The following ANTXR1 variants were observed in gnomAD, a reference collection of about 807,000 sequenced individuals.
ANTXR1 encodes anthrax toxin receptor 1.
In ANTXR1, 19 loss-of-function variants were observed where a neutral mutation model predicts 78.1. The observed-to-expected ratio is 0.24, with a 90% CI of 0.17 to 0.36. The LOEUF is 0.36. Among genes scored for constraint, ANTXR1 ranks in the 10% least tolerant of loss-of-function variants. The pLI is 1.00. For synonymous variants in ANTXR1, 273 were observed against 260.5 expected, an observed-to-expected ratio of 1.05 and a Z score of -0.46; for missense variants, 518 against 718.6, an observed-to-expected ratio of 0.72 and a Z score of 3.19.
chr2:69,145,674 G>A, intron 12 of ANTXR1: 2 of 1,157,732 alleles, frequency 1.7e-6, no homozygotes, highest in East Asian at 4.4e-5. Flanking sequence ...TGAGGTGGAG[G>A]ATTTCACAGT....
intron 17 of ANTXR1, among the ~76,000 whole-genome samples, chr2:69,225,810 T>C (rs1415362720): frequency 1.3e-5 from 2 of 152,222 alleles, no homozygotes; most frequent in South Asian, 4.1e-4. Context: ...TGTTGGGTGC[T>C]ATTCCAGAGC....
chr2:69,244,457 G>A (rs566445134), intron 17 of ANTXR1, among the ~76,000 whole-genome samples: 1 of 152,350 alleles, frequency 6.6e-6, no homozygotes, highest in Non-Finnish European at 1.5e-5. Context: ...AGGACAAACT[G>A]TTTATTATTT....
intron 16 of ANTXR1, among the ~76,000 whole-genome samples, chr2:69,184,415 A>G (rs926235054): frequency 6.6e-6 from 1 of 152,176 alleles, no homozygotes; most frequent in African/African-American, 2.4e-5. Context: ...ATTATTTTCT[A>G]ATGAAGAACA....
chr2:69,039,097 T>C (rs1284138830), intron 1 of ANTXR1, among the ~76,000 whole-genome samples: 1 of 152,190 alleles, frequency 6.6e-6, no homozygotes, highest in African/African-American at 2.4e-5. Flanking sequence ...GAGCAAACTC[T>C]AACCTCAACA....
chr2:69,202,284 T>C (rs1674792099), intron 17 of ANTXR1, among the ~76,000 whole-genome samples: 1 of 151,978 alleles, frequency 6.6e-6, no homozygotes, highest in Admixed American at 6.6e-5. Flanking sequence ...CAAGGGAAAA[T>C]AATACATTAT....
chr2:69,090,823 G>A lies in ANTXR1; in HGVS notation c.643-36G>A, dbSNP rs754373790. The A allele has an allele frequency of 2.5e-6, 4 of 1,604,508 alleles. 1 individual carries two copies. The South Asian group carries it at 3.3e-5, about 13-fold the overall frequency. On this transcript the variant is annotated intron_variant, in intron 8 of 17. Transcript: ENST00000303714. ...CTGATTCTGTCTTTGAACAAAATAA[G>A]CTGTGCATTGACTCTTTTATTTCCG...
intron 17 of ANTXR1, among the ~76,000 whole-genome samples, chr2:69,219,007 C>G: frequency 6.6e-6 from 1 of 152,180 alleles, no homozygotes; most frequent in Non-Finnish European, 1.5e-5. Context: ...TAAATTCTGT[C>G]AATGGCTATG....
intron 12 of ANTXR1, among the ~76,000 whole-genome samples, chr2:69,147,340 C>G (rs549396554): frequency 1.3e-5 from 2 of 152,368 alleles, no homozygotes; most frequent in South Asian, 4.1e-4. Flanking sequence ...TATTGATATA[C>G]ATTCAACAGG....
At chr2:69,131,199 G>T (rs1258059129) in intron 12 of ANTXR1, among the ~76,000 whole-genome samples, 1 of 152,054 alleles carries the variant, frequency 6.6e-6, no homozygotes, top group Non-Finnish European at 1.5e-5. Context: ...ATAAAGATAG[G>T]AATTTGCCTA....
intron 8 of ANTXR1, among the ~76,000 whole-genome samples, chr2:69,085,553 C>T (rs1032446685): frequency 1.3e-5 from 2 of 152,064 alleles, no homozygotes; most frequent in Non-Finnish European, 2.9e-5. Flanking sequence ...TTTATTAAGA[C>T]GTGCAGGAAG....
At position 69,158,341 on chromosome 2, in the gene ANTXR1, T is replaced by C. The variant is rs141716745; in HGVS notation, c.1047+6077T>C. On this transcript the variant is annotated intron_variant, in intron 13 of 17. Coordinates refer to ENST00000303714, the MANE Select transcript of ANTXR1 (RefSeq NM_032208.3). Reference sequence around the variant, plus strand: ...AGTTTCACCTTCTTTATGTTCTCTATACAATTCTTCCTTCAAAGTCCAGCT... The same window carrying C: ...AGTTTCACCTTCTTTATGTTCTCTACACAATTCTTCCTTCAAAGTCCAGCT... 3.3e-5 allele frequency among the ~76,000 whole-genome samples: 5 copies of C among 152,364 alleles called. No homozygotes were observed. In the East Asian group the frequency reaches 7.7e-4, roughly 24 times the overall value.
intron 3 of ANTXR1, 150 bp from the exon 4 acceptor site, chr2:69,070,497 T>C: frequency 1.4e-6 from 1 of 727,424 alleles, no homozygotes; most frequent in Non-Finnish European, 2.5e-6. Context: ...GAACGGATAA[T>C]ATAAAGGCCT....
At chr2:69,176,723 T>C (rs780043593) in intron 14 of ANTXR1, among the ~76,000 whole-genome samples, 2 of 152,210 alleles carry the variant, frequency 1.3e-5, no homozygotes, top group African/African-American at 2.4e-5. Flanking sequence ...GTTGAGCTTA[T>C]GCATTTAAGA....
intron 8 of ANTXR1, among the ~76,000 whole-genome samples, 168 bp downstream of exon 8, chr2:69,077,656 T>G (rs541244891): frequency 6.6e-6 from 1 of 152,314 alleles, no homozygotes; most frequent in East Asian, 1.9e-4. Flanking sequence ...CCTTCTGCCT[T>G]TTACACATCT....
chr2:69,220,919 T>C (rs1675302146), intron 17 of ANTXR1, among the ~76,000 whole-genome samples: 1 of 152,208 alleles, frequency 6.6e-6, no homozygotes, highest in Non-Finnish European at 1.5e-5. Context: ...GGTGATTGTA[T>C]TTGATATATC....
intron 17 of ANTXR1, among the ~76,000 whole-genome samples, chr2:69,212,090 A>C (rs1284206051): frequency 6.6e-6 from 1 of 152,230 alleles, no homozygotes; most frequent in African/African-American, 2.4e-5. Context: ...TTAGCTTTTG[A>C]TAGCTGGCTT....
intron 16 of ANTXR1, among the ~76,000 whole-genome samples, chr2:69,189,550 C>A (rs1156589761): frequency 6.6e-6 from 1 of 152,148 alleles, no homozygotes; most frequent in African/African-American, 2.4e-5. Flanking sequence ...GGACAGGAAC[C>A]CTGGAGATGA....
intron 12 of ANTXR1, among the ~76,000 whole-genome samples, chr2:69,130,791 G>A (rs1280401541): frequency 2.0e-5 from 3 of 152,126 alleles, no homozygotes; most frequent in Non-Finnish European, 2.9e-5. Context: ...ATCTCCCCCT[G>A]ATTAAGAAGC....
rs145436227 is a variant in ANTXR1 at position 69,100,808 on chromosome 2, G to A, written c.704-2034G>A. On this transcript the variant is annotated intron_variant, in intron 9 of 17. Coordinates refer to ENST00000303714, the MANE Select transcript of ANTXR1 (RefSeq NM_032208.3). ...AGATTCTTCTACAAGTGCTTGACAC[G>A]TACTAAATTGCTTATTGAGCCAACC... Among the ~76,000 whole-genome samples, 836 of 152,324 alleles carry A rather than the reference G, an allele frequency of 5.5e-3. 9 individuals carry two copies. Among genetic ancestry groups the A allele is most frequent in the African/African-American group, 0.019 (773 of 41,572 alleles).
Sources: allele counts gnomAD v4.1 joint callset (sites outside exome capture counted in the v4.1 genomes callset), GRCh38; gene constraint gnomAD v4.1.1; transcripts MANE v1.5; gene names NCBI Gene and HGNC (gene_info 2026-07-23, HGNC 2026-07-21).